RIMBP2: variants seen among roughly 807,000 people sequenced by gnomAD.
RIMBP2 encodes the protein RIMS binding protein 2, also known as RIMS-binding protein 2.
RIMBP2 carries 48 observed loss-of-function variants against 118.6 expected under a neutral mutation model. That is an observed-to-expected ratio of 0.40 (90% CI 0.32 to 0.51). RIMBP2 has a LOEUF of 0.51. Ranked by LOEUF, RIMBP2 falls within the 20% of genes least tolerant of loss-of-function variation. RIMBP2 has a pLI of 0.41. For synonymous variants in RIMBP2, 762 were observed against 742.9 expected, an observed-to-expected ratio of 1.03 and a Z score of -0.42; for missense variants, 1,551 against 1,768.3, an observed-to-expected ratio of 0.88 and a Z score of 2.20.
rs910691112 is a variant in RIMBP2 at position 130,447,697 on chromosome 12, G to C, written c.582-2428C>G. 6.6e-6 allele frequency among the ~76,000 whole-genome samples: 1 copy of C among 152,126 alleles called. No individual in the cohort carries two copies. The highest frequency in any genetic ancestry group is 1.5e-5 in the Non-Finnish European group (1 of 68,020). On this transcript the variant is annotated intron_variant, in intron 9 of 22. Coordinates refer to ENST00000690449, the MANE Select transcript of RIMBP2 (RefSeq NM_001393629.1). This position sits in a 1 kb window ranked among gnomAD's most constrained non-coding sequence, Gnocchi z 4.4. ...AGGACCATCTCTCCGTACAGCTGGC[G>C]AAAGGAAGGATGGTGATGAATGTGT...
At chr12:130,492,314 C>T (rs530135149) in intron 4 of RIMBP2, among the ~76,000 whole-genome samples, 103 of 152,254 alleles carry the variant, frequency 6.8e-4, no homozygotes, top group African/African-American at 2.4e-3. Context: ...AGAAGTCACA[C>T]TCATTAAGAA....
At position 130,621,455 on chromosome 12, in the gene RIMBP2, C is replaced by T. The variant is rs189085450; in HGVS notation, c.-217+6867G>A. ...CATCGGCAGAGTTCCTGGACGTAGC[C>T]GTTCCTGAAGCTAGAATCTCCTCTC... On this transcript the variant is annotated intron_variant, in intron 2 of 22. Transcript: ENST00000690449. The surrounding 1 kb of genome is among the most constrained non-coding windows in gnomAD (Gnocchi z 6.6). Among the ~76,000 whole-genome samples, 111 of 152,268 alleles carry T rather than the reference C, an allele frequency of 7.3e-4. 1 individual carries two copies. The highest frequency in any genetic ancestry group is 6.4e-3 in the East Asian group (33 of 5,170).
chr12:130,517,130 T>C (rs2051550250), intron 3 of RIMBP2, among the ~76,000 whole-genome samples: 1 of 152,102 alleles, frequency 6.6e-6, no homozygotes, highest in Non-Finnish European at 1.5e-5. Flanking sequence ...CATGAATGGA[T>C]AGGTCCATTC....
At chr12:130,591,894 T>C (rs1195890858) in intron 2 of RIMBP2, among the ~76,000 whole-genome samples, 5 of 152,352 alleles carry the variant, frequency 3.3e-5, no homozygotes, top group Non-Finnish European at 5.9e-5. Context: ...CAAAGTTAAC[T>C]GTGCATTTGC....
intron 9 of RIMBP2, among the ~76,000 whole-genome samples, chr12:130,445,720 C>T (rs1385848924): frequency 6.6e-6 from 1 of 152,126 alleles, no homozygotes; most frequent in Admixed American, 6.6e-5. Flanking sequence ...ATACTTCTAC[C>T]TCTTGAAATA....
At chr12:130,544,247 G>A (rs2054888477) in intron 2 of RIMBP2, among the ~76,000 whole-genome samples, 1 of 152,190 alleles carries the variant, frequency 6.6e-6, no homozygotes, top group African/African-American at 2.4e-5. Flanking sequence ...AGATGCCTCT[G>A]CAATATCGCT....
At chr12:130,677,394 A>G (rs1213417452) in intron 1 of RIMBP2, among the ~76,000 whole-genome samples, 2 of 152,124 alleles carry the variant, frequency 1.3e-5, no homozygotes, top group Non-Finnish European at 2.9e-5. Context: ...TTAGAAGGCC[A>G]AGGCAGGCAG....
chr12:130,484,910 C>T (rs2082352521), intron 4 of RIMBP2, among the ~76,000 whole-genome samples: 2 of 152,214 alleles, frequency 1.3e-5, no homozygotes, highest in Admixed American at 6.5e-5. Context: ...ATTAATTTTT[C>T]AACACTATTC....
chr12:130,470,828 G>A (rs1290021367), intron 5 of RIMBP2, 85 bp from the exon 6 acceptor site: 5 of 688,746 alleles, frequency 7.3e-6, no homozygotes, highest in Non-Finnish European at 1.0e-5. Context: ...CACTGGGGGT[G>A]GGGGATCATT....
At chr12:130,558,757 G>T (rs1361558103) in intron 2 of RIMBP2, among the ~76,000 whole-genome samples, 1 of 152,204 alleles carries the variant, frequency 6.6e-6, no homozygotes, top group Admixed American at 6.5e-5. Context: ...TGTGAAAAGG[G>T]TGATGATGAC....
chr12:130,556,115 G>A (rs1383930678), intron 2 of RIMBP2, among the ~76,000 whole-genome samples: 2 of 152,180 alleles, frequency 1.3e-5, no homozygotes, highest in East Asian at 3.9e-4. Context: ...CTGCACTTGT[G>A]TTCCTGGTGT....
At chr12:130,558,573 G>C (rs887334511) in intron 2 of RIMBP2, among the ~76,000 whole-genome samples, 1 of 152,174 alleles carries the variant, frequency 6.6e-6, no homozygotes, top group African/African-American at 2.4e-5. Flanking sequence ...AAAGAATGAG[G>C]CACGCTGTTA....
chr12:130,654,277 A>G (rs1472863055), intron 1 of RIMBP2, among the ~76,000 whole-genome samples: 1 of 152,190 alleles, frequency 6.6e-6, no homozygotes, highest in Non-Finnish European at 1.5e-5. Flanking sequence ...CCCATCTTGA[A>G]TGCTTTGCTT....
chr12:130,689,764 G>A (rs951366063), intron 1 of RIMBP2, among the ~76,000 whole-genome samples: 1 of 152,190 alleles, frequency 6.6e-6, no homozygotes, highest in Non-Finnish European at 1.5e-5. Context: ...ACCCAGTAGA[G>A]AGGCTGTGTT....
intron 6 of RIMBP2, among the ~76,000 whole-genome samples, chr12:130,462,361 A>T (rs925514350): frequency 2.6e-5 from 4 of 152,168 alleles, no homozygotes; most frequent in African/African-American, 4.8e-5. Flanking sequence ...GCCAGTGCAG[A>T]TACCAGGAAG....
Position 130,703,832 on chromosome 12 carries a change from AGATC to A in RIMBP2, c.-352+12386_-352+12389del, listed in dbSNP as rs748083439. ...TTAGGAAATACAGAGAGAGAGAGAGAGATCGATCTAGAAGCACGGAGGGAACCCT... is the reference window on the plus strand; with the variant it reads ...TTAGGAAATACAGAGAGAGAGAGAGAGATCTAGAAGCACGGAGGGAACCCT... On this transcript the variant is annotated intron_variant, in intron 1 of 22. Coordinates refer to ENST00000690449, the MANE Select transcript of RIMBP2 (RefSeq NM_001393629.1). This position sits in a 1 kb window ranked among gnomAD's most constrained non-coding sequence, Gnocchi z 5.7. Among the ~76,000 whole-genome samples the A allele has an allele frequency of 3.1e-5, 4 of 127,246 alleles. No homozygotes were observed. Among genetic ancestry groups the A allele is most frequent in the South Asian group, 2.5e-4 (1 of 3,958 alleles). 83.5% of individuals were successfully genotyped at this position (127,246 alleles called of 152,430 possible). A position where few individuals can be genotyped will look rare whatever the true frequency, so the allele number is the denominator to read the frequency against.
At chr12:130,432,133 T>C in intron 14 of RIMBP2, 1 of 433,666 alleles carries the variant, frequency 2.3e-6, no homozygotes, top group South Asian at 1.7e-5. Flanking sequence ...TTCCTCCGGG[T>C]TTGTAATCTG....
chr12:130,503,079 T>C (rs1436551254), intron 4 of RIMBP2, among the ~76,000 whole-genome samples: 2 of 152,042 alleles, frequency 1.3e-5, no homozygotes, highest in East Asian at 3.9e-4. Context: ...TACTACATTT[T>C]CTCTTGTACA....
At chr12:130,438,916 G>A (rs896253352) in intron 11 of RIMBP2, among the ~76,000 whole-genome samples, 3 of 152,056 alleles carry the variant, frequency 2.0e-5, no homozygotes, top group African/African-American at 4.8e-5. Context: ...GCCGGCGTTT[G>A]GCAGATCGAA....
Sources: gnomAD v4.1 joint callset for allele counts (sites outside exome capture counted in the v4.1 genomes callset) on GRCh38, gnomAD v4.1.1 for gene constraint, Gnocchi (gnomAD v3.1) non-coding constraint, MANE v1.5 for transcripts, NCBI Gene and HGNC (gene_info 2026-07-23, HGNC 2026-07-21) for gene names.